Variants in ADCY2 observed in about 807,000 individuals in gnomAD.
ADCY2 encodes the protein adenylate cyclase 2, also known as adenylate cyclase type 2.
In ADCY2, 31 loss-of-function variants were observed where a neutral mutation model predicts 125.2. The observed-to-expected ratio is 0.25, with a 90% CI of 0.19 to 0.33. The LOEUF is 0.33. Ranked by LOEUF, ADCY2 falls within the 10% of genes least tolerant of loss-of-function variation. The pLI is 1.00. For missense variants in ADCY2, 904 were observed against 1,418.2 expected, an observed-to-expected ratio of 0.64 and a Z score of 5.82; for synonymous variants, 512 against 548.4, an observed-to-expected ratio of 0.93 and a Z score of 0.93.
intron 3 of ADCY2, among the ~76,000 whole-genome samples, chr5:7,551,972 T>G (rs541846458): frequency 5.2e-4 from 79 of 152,340 alleles, no homozygotes; most frequent in African/African-American, 1.8e-3. Context: ...TTGTGTATAT[T>G]TAATTTTATT....
At chr5:7,497,343 G>A (rs1230836247) in intron 2 of ADCY2, among the ~76,000 whole-genome samples, 1 of 152,102 alleles carries the variant, frequency 6.6e-6, no homozygotes, top group African/African-American at 2.4e-5. Flanking sequence ...GAATAAAAAT[G>A]GATAGCTGGA....
Position 7,596,392 on chromosome 5 carries a change from A to G in ADCY2, c.571-29775A>G, listed in dbSNP as rs184720257. ...ACTAACAATACAGTTGTTATTTACAATGGAGTGATCCAATTACTTGAGTGA... is the reference window on the plus strand; with the variant it reads ...ACTAACAATACAGTTGTTATTTACAGTGGAGTGATCCAATTACTTGAGTGA... On this transcript the variant is annotated intron_variant, in intron 3 of 24. Coordinates refer to ENST00000338316, the MANE Select transcript of ADCY2 (RefSeq NM_020546.3). Among the ~76,000 whole-genome samples, 461 of 152,304 alleles carry G rather than the reference A, an allele frequency of 3.0e-3. 1 individual carries two copies. Among genetic ancestry groups the G allele is most frequent in the Admixed American group, 5.7e-3 (87 of 15,292 alleles).
chr5:7,643,259 CAG>C (rs1046097041), intron 4 of ADCY2, among the ~76,000 whole-genome samples: 6 of 151,920 alleles, frequency 3.9e-5, no homozygotes, highest in African/African-American at 1.2e-4. Context: ...CTGTAGCAAA[CAG>C]ATTAATTTTT....
rs1176493445 is a variant in ADCY2, at chr5:7,709,089, A to G, written c.1402-122A>G. The stretch of plus-strand genomic sequence containing the variant: ...TAACACTGAAGGAATAAGGACAGAA[A>G]ACACAGAGGGCGAATAGAGGGCTGT... On this transcript the variant is annotated intron_variant, in intron 9 of 24. Transcript: ENST00000338316. This position sits in a 1 kb window ranked among gnomAD's most constrained non-coding sequence, Gnocchi z 4.4. The G allele has an allele frequency of 2.0e-6, 2 of 999,734 alleles. No homozygotes were observed. 61.9% of individuals were successfully genotyped at this position (999,734 alleles called of 1,614,324 possible).
chr5:7,429,092 A>T (rs1740496305), intron 2 of ADCY2, among the ~76,000 whole-genome samples: 1 of 152,182 alleles, frequency 6.6e-6, no homozygotes, highest in Non-Finnish European at 1.5e-5. Context: ...ACTGACAGGC[A>T]CATGCCTAAG....
intron 2 of ADCY2, among the ~76,000 whole-genome samples, chr5:7,450,878 G>C (rs1218925689): frequency 6.6e-6 from 1 of 152,108 alleles, no homozygotes; most frequent in Non-Finnish European, 1.5e-5. Flanking sequence ...CAGTGTATCT[G>C]TTTACGGCAT....
At chr5:7,678,893 A>G (rs1306298431) in intron 4 of ADCY2, among the ~76,000 whole-genome samples, 2 of 152,228 alleles carry the variant, frequency 1.3e-5, no homozygotes, top group Admixed American at 6.5e-5. Context: ...GTGAAATCTT[A>G]TTCAAAGTGT....
chr5:7,521,947 G>A (rs1744459888), intron 3 of ADCY2, among the ~76,000 whole-genome samples: 1 of 152,092 alleles, frequency 6.6e-6, no homozygotes, highest in African/African-American at 2.4e-5. Flanking sequence ...TTTACACAGT[G>A]GGCTAGAGTT....
intron 1 of ADCY2, among the ~76,000 whole-genome samples, chr5:7,411,213 G>C (rs1035626225): frequency 6.6e-6 from 1 of 152,214 alleles, no homozygotes; most frequent in African/African-American, 2.4e-5. Flanking sequence ...AGTGGGCCCA[G>C]CTTTTGCAAA....
At chr5:7,505,854 C>G (rs1012059205) in intron 2 of ADCY2, among the ~76,000 whole-genome samples, 1 of 152,160 alleles carries the variant, frequency 6.6e-6, no homozygotes, top group African/African-American at 2.4e-5. Flanking sequence ...TCATCTGAAG[C>G]GCTGGCCTTT....
At chr5:7,819,654 C>T (rs76137967) in intron 23 of ADCY2, among the ~76,000 whole-genome samples, 37 of 152,312 alleles carry the variant, frequency 2.4e-4, no homozygotes, top group African/African-American at 7.5e-4. Context: ...CCCTTTCCCC[C>T]GACCCTCTGT....
chr5:7,773,123 C>T (rs755325861), intron 18 of ADCY2, 22 bp downstream of exon 18: 62 of 1,610,734 alleles, frequency 3.8e-5, no homozygotes, highest in Non-Finnish European at 5.0e-5. Flanking sequence ...CCTCTTCCTT[C>T]TCTTACTATA....
At chr5:7,825,218 G>A (rs1745434158) in intron 24 of ADCY2, among the ~76,000 whole-genome samples, 1 of 152,072 alleles carries the variant, frequency 6.6e-6, no homozygotes, top group African/African-American at 2.4e-5. Flanking sequence ...CAACGCTGCT[G>A]TGCGCCACGA....
rs535824046 is a variant in ADCY2 at position 7,695,587 on chromosome 5, TC to T, written c.870-164del. Among the ~76,000 whole-genome samples, 15 of 152,208 alleles carry T rather than the reference TC, an allele frequency of 9.9e-5. No individual in the cohort carries two copies. In the South Asian group the frequency reaches 2.9e-3, roughly 29 times the overall value. On this transcript the variant is annotated intron_variant, in intron 5 of 24. Transcript: ENST00000338316. The stretch of plus-strand genomic sequence containing the variant: ...TAACCTCAAAAAATGTTTAACAAGT[TC>T]AAAAAAATGTTTATATATTCTTAAT...
chr5:7,402,228 C>T (rs1222014268), intron 1 of ADCY2, among the ~76,000 whole-genome samples: 1 of 152,200 alleles, frequency 6.6e-6, no homozygotes. Context: ...TTCCACATCT[C>T]CGTGCCTTAT....
At chr5:7,406,434 A>C (rs1414804955) in intron 1 of ADCY2, among the ~76,000 whole-genome samples, 1 of 152,164 alleles carries the variant, frequency 6.6e-6, no homozygotes, top group Non-Finnish European at 1.5e-5. Flanking sequence ...CTGCTCTCCC[A>C]AAAGAAGGAT....
At chr5:7,545,104 G>A (rs114667052) in intron 3 of ADCY2, among the ~76,000 whole-genome samples, 3,238 of 152,250 alleles carry the variant, frequency 0.021, 113 homozygotes, top group African/African-American at 0.073. Flanking sequence ...CATCTGACCC[G>A]TCACTTTTGC....
chr5:7,732,336 G>A lies in ADCY2; in HGVS notation c.1871+5075G>A, dbSNP rs542523984. The stretch of plus-strand genomic sequence containing the variant: ...GGTTTTCTGTTTCTTGTTTCTTGGC[G>A]GGACAGCCCTTCAGGGCCCCTGACT... On this transcript the variant is annotated intron_variant, in intron 14 of 24. Transcript: ENST00000338316. Among the ~76,000 whole-genome samples, 4 of 152,252 alleles carry A rather than the reference G, an allele frequency of 2.6e-5. No individual in the cohort carries two copies. The South Asian group carries it at 6.2e-4, about 24-fold the overall frequency.
intron 3 of ADCY2, among the ~76,000 whole-genome samples, chr5:7,566,196 A>G (rs1048385303): frequency 1.3e-5 from 2 of 152,182 alleles, no homozygotes; most frequent in African/African-American, 4.8e-5. Context: ...AACGTTGAGA[A>G]AGGGACACTG....
Sources: allele counts gnomAD v4.1 joint callset (sites outside exome capture counted in the v4.1 genomes callset), GRCh38; gene constraint gnomAD v4.1.1; non-coding constraint Gnocchi (gnomAD v3.1); transcripts MANE v1.5; gene names NCBI Gene and HGNC (gene_info 2026-07-23, HGNC 2026-07-21).